Variants in NIN observed in about 807,000 individuals in gnomAD.
NIN encodes glycogen synthase kinase 3 beta-interacting protein.
In NIN, 137 loss-of-function variants were observed where a neutral mutation model predicts 257.6. That is an observed-to-expected ratio of 0.53 (90% CI 0.46 to 0.61). The LOEUF (loss-of-function observed/expected upper bound fraction) is 0.61, where lower values mean the gene tolerates loss of function less well. Among genes scored for constraint, NIN ranks in the 20% least tolerant of loss-of-function variants. The pLI is 0.00. For missense variants in NIN, 2,439 were observed against 2,501.2 expected (o/e 0.98, Z 0.53); for synonymous variants, 918 against 919.8 (o/e 1.00, Z 0.04).
At chr14:50,770,595 A>G (rs2042690100) in intron 11 of NIN, 33 bp from the exon 12 acceptor site, 1 of 1,608,902 alleles carries the variant, frequency 6.2e-7, no homozygotes, top group African/African-American at 1.3e-5. Flanking sequence ...AGCTGCCATC[A>G]CGTCTTTCAG....
chr14:50,725,858 C>G, intron 30 of NIN, 95 bp downstream of exon 30: 2 of 1,604,090 alleles, frequency 1.2e-6, no homozygotes, highest in Non-Finnish European at 1.7e-6. Flanking sequence ...TATTAGACAA[C>G]ATAAGTTAAC....
intron 7 of NIN, among the ~76,000 whole-genome samples, chr14:50,774,175 T>C (rs2042835882): frequency 6.6e-6 from 1 of 152,206 alleles, no homozygotes; most frequent in African/African-American, 2.4e-5. Context: ...AGCAACAAAT[T>C]GCTCTTGTTG....
intron 2 of NIN, among the ~76,000 whole-genome samples, chr14:50,826,772 A>G (rs1417407157): frequency 1.3e-5 from 2 of 152,234 alleles, no homozygotes; most frequent in Non-Finnish European, 2.9e-5. Flanking sequence ...AATATGCACA[A>G]TGCTAGAGCC....
In NIN at chr14:50,761,670, T is replaced by C. The variant is rs574644245; in HGVS notation, c.1896+120A>G. The C allele has an allele frequency of 3.6e-6, 4 of 1,107,568 alleles. No homozygotes were observed. In the East Asian group the frequency reaches 9.7e-5, roughly 27 times the overall value. 68.6% of individuals were successfully genotyped at this position (1,107,568 alleles called of 1,614,324 possible). ...TCAGCCTACAAAACCATCCTGAGGA[T>C]GTGGGTTCCCAACATAGAATGTGCT... On this transcript the variant is annotated intron_variant, in intron 16 of 30. Transcript: ENST00000530997.
chr14:50,800,265 A>T (rs996178606), intron 4 of NIN, among the ~76,000 whole-genome samples: 3 of 152,148 alleles, frequency 2.0e-5, no homozygotes, highest in African/African-American at 7.2e-5. Flanking sequence ...ACACTGTCTA[A>T]TTTCTTCACT....
intron 2 of NIN, among the ~76,000 whole-genome samples, chr14:50,827,979 A>C (rs2045540167): frequency 6.6e-6 from 1 of 151,858 alleles, no homozygotes; most frequent in African/African-American, 2.4e-5. Context: ...GGAAAAAAAA[A>C]ACAAAAAACA....
rs986964040 is a variant in NIN at position 50,729,397 on chromosome 14, G to A, written c.6078+126C>T. ...CGATCCTCCCGTCTCAGCCTCCCAA[G>A]TAGCTGGGACTACAGGTGTGTGCCA... On this transcript the variant is annotated intron_variant, in intron 29 of 30. Transcript: ENST00000530997. 3.5e-6 allele frequency: 3 copies of A among 857,374 alleles called. No homozygotes were observed. The African/African-American group carries it at 5.1e-5, about 15-fold the overall frequency. The allele number at this position is 857,374 out of a possible 1,614,324, so 53.1% of individuals were successfully genotyped here.
At chr14:50,731,837 TAAAAA>T (rs985419392) in intron 28 of NIN, among the ~76,000 whole-genome samples, 2 of 152,006 alleles carry the variant, frequency 1.3e-5, no homozygotes, top group Admixed American at 6.6e-5. Context: ...AATAAATAAA[TAAAAA>T]AGATTATTCC....
chr14:50,744,198 T>C (rs749036477), intron 23 of NIN, 45 bp downstream of exon 23: 36 of 1,602,262 alleles, frequency 2.2e-5, no homozygotes, highest in Non-Finnish European at 3.1e-5. Context: ...TTCATTATGG[T>C]GTGTATTGTA....
chr14:50,827,790 T>G (rs375010116), intron 2 of NIN, among the ~76,000 whole-genome samples: 1 of 132,648 alleles, frequency 7.5e-6, no homozygotes, highest in Non-Finnish European at 1.7e-5. Flanking sequence ...AAAAGAAAAA[T>G]AACAACCTTT....
At chr14:50,823,945 G>C (rs192764333) in intron 2 of NIN, among the ~76,000 whole-genome samples, 4 of 152,154 alleles carry the variant, frequency 2.6e-5, no homozygotes, top group African/African-American at 9.7e-5. Context: ...CCAACACTTC[G>C]CTAACAAGAT....
intron 3 of NIN, among the ~76,000 whole-genome samples, chr14:50,815,057 A>G (rs1214222919): frequency 6.6e-6 from 1 of 152,236 alleles, no homozygotes; most frequent in Non-Finnish European, 1.5e-5. Context: ...TAATTAAACT[A>G]AAGAGCTTCT....
chr14:50,754,140 T>C (rs2140750199), intron 20 of NIN, among the ~76,000 whole-genome samples: 1 of 152,222 alleles, frequency 6.6e-6, no homozygotes, highest in East Asian at 1.9e-4. Context: ...CTGAATAAAA[T>C]GTAATTCTGT....
intron 25 of NIN, 148 bp downstream of exon 25, chr14:50,741,434 A>C (rs759821768): frequency 4.3e-5 from 29 of 676,188 alleles, no homozygotes; most frequent in Non-Finnish European, 4.6e-5. Context: ...CTACATTTTT[A>C]TCTAAGTGAT....
At chr14:50,791,184 C>A (rs1156299063) in intron 5 of NIN, among the ~76,000 whole-genome samples, 2 of 152,134 alleles carry the variant, frequency 1.3e-5, no homozygotes, top group African/African-American at 2.4e-5. Flanking sequence ...CTTTATGATA[C>A]CCTTCCTGAC....
At chr14:50,743,940 T>A (rs1382520502) in intron 23 of NIN, among the ~76,000 whole-genome samples, 1 of 152,200 alleles carries the variant, frequency 6.6e-6, no homozygotes, top group South Asian at 2.1e-4. Context: ...ATGAAATTGA[T>A]CTCAGATTAT....
chr14:50,805,451 C>T (rs980651816), intron 4 of NIN, among the ~76,000 whole-genome samples: 4 of 152,146 alleles, frequency 2.6e-5, no homozygotes, highest in African/African-American at 9.7e-5. Context: ...GAGTTAAGAA[C>T]AACATTGCTA....
chr14:50,770,961 C>A lies in NIN; in HGVS notation c.1150G>T (p.Glu384Ter). 1 of 1,614,160 alleles carries A rather than the reference C, an allele frequency of 6.2e-7. No homozygotes were observed. The highest frequency in any genetic ancestry group is 8.5e-7 in the Non-Finnish European group (1 of 1,180,026). ...ERVDQVVREK[E>*]KLRSDLDKAE... Reference sequence around the variant, plus strand: ...TTGTCCAGATCTGACCGTAGCTTCTCTTTTTCTCTGACCACCTGATCAACT... The same window carrying A: ...TTGTCCAGATCTGACCGTAGCTTCTATTTTTCTCTGACCACCTGATCAACT... The change falls in exon 11 of 31, where the codon GAG becomes TAG. Residue 384 changes from glutamate (E) to a stop codon, truncating the protein, a stop_gained. Transcript: ENST00000530997. LOFTEE classifies it high-confidence loss of function.
chr14:50,740,720 G>A (rs1014337929), intron 25 of NIN, among the ~76,000 whole-genome samples: 4 of 152,110 alleles, frequency 2.6e-5, no homozygotes, highest in African/African-American at 4.8e-5. Context: ...GGCTTCAAGT[G>A]GTCTGCCTGC....
Sources: gnomAD v4.1 joint callset for allele counts (sites outside exome capture counted in the v4.1 genomes callset) on GRCh38, gnomAD v4.1.1 for gene constraint, MANE v1.5 for transcripts, NCBI Gene and HGNC (gene_info 2026-07-23, HGNC 2026-07-21) for gene names.